The following REPS1 variants were observed in gnomAD, a reference collection of about 807,000 sequenced individuals.
REPS1 encodes RALBP1 associated Eps domain containing 1, also known as ralBP1-associated Eps domain-containing protein 1.
Under a neutral mutation model 100.9 loss-of-function variants are expected in REPS1, and 39 were observed. The observed-to-expected ratio is 0.39, with a 90% CI of 0.30 to 0.50. REPS1 has a LOEUF of 0.50. Ranked by LOEUF, REPS1 falls within the 20% of genes least tolerant of loss-of-function variation. The pLI, the probability that REPS1 is intolerant of heterozygous loss-of-function variation, is 0.86. For missense variants in REPS1, 821 were observed against 968.5 expected, an observed-to-expected ratio of 0.85 and a Z score of 2.02; for synonymous variants, 324 against 340.3, an observed-to-expected ratio of 0.95 and a Z score of 0.53.
At chr6:138,976,249 A>G (rs1784597928) in intron 1 of REPS1, among the ~76,000 whole-genome samples, 1 of 152,212 alleles carries the variant, frequency 6.6e-6, no homozygotes, top group Non-Finnish European at 1.5e-5. Flanking sequence ...TTCTATTTCC[A>G]CGTACAACAT....
chr6:138,912,097 T>G (rs532014850), intron 16 of REPS1, among the ~76,000 whole-genome samples: 1 of 152,138 alleles, frequency 6.6e-6, no homozygotes, highest in African/African-American at 2.4e-5. Context: ...AGGGAGCTAG[T>G]AGGAAATTTT....
intron 1 of REPS1, among the ~76,000 whole-genome samples, chr6:138,950,008 T>C (rs758256855): frequency 9.2e-5 from 14 of 152,200 alleles, no homozygotes; most frequent in Non-Finnish European, 1.6e-4. Flanking sequence ...TTATACAAGC[T>C]TGTCATTTCC....
chr6:138,934,304 CT>C, intron 8 of REPS1: 1 of 470,900 alleles, frequency 2.1e-6, no homozygotes. Flanking sequence ...TGCTCTGCCC[CT>C]GACATCATCA....
At chr6:138,936,275 C>A (rs1781831519) in intron 8 of REPS1, among the ~76,000 whole-genome samples, 1 of 151,982 alleles carries the variant, frequency 6.6e-6, no homozygotes, top group Non-Finnish European at 1.5e-5. Flanking sequence ...TTACTGTAAC[C>A]TCGAACTCCT....
intron 2 of REPS1, among the ~76,000 whole-genome samples, chr6:138,946,151 A>T (rs1242554653): frequency 6.6e-6 from 1 of 152,224 alleles, no homozygotes; most frequent in Non-Finnish European, 1.5e-5. Flanking sequence ...CCGGGTCTTT[A>T]AAGTAAGATT....
chr6:138,944,591 C>A lies in REPS1; in HGVS notation c.660G>T (p.Gly220=), dbSNP rs199928932. 27 of 1,613,866 alleles carry A rather than the reference C, an allele frequency of 1.7e-5. No homozygotes were observed. Among genetic ancestry groups the A allele is most frequent in the Admixed American group, 6.7e-5 (4 of 59,974 alleles). Reference sequence around the variant, plus strand: ...TTTCTTGAGGTGGAGGTGGGGAATGCCCTGACCACACTGCATCACCAGCAG... The same window carrying A: ...TTTCTTGAGGTGGAGGTGGGGAATGACCTGACCACACTGCATCACCAGCAG... ...GSSAGDAVWS[G]HSPPPPQENW... Residue 220 remains glycine (G), a synonymous_variant, in exon 5 of 20, where the codon GGG becomes GGT. Transcript: ENST00000450536.
chr6:138,916,345 C>T, intron 13 of REPS1: 1 of 210,762 alleles, frequency 4.7e-6, no homozygotes, highest in South Asian at 6.8e-5. Context: ...TTCAGCCTCC[C>T]AAGTAACTGG....
chr6:138,929,815 C>G (rs1477819977), intron 9 of REPS1, 162 bp downstream of exon 9: 1 of 638,932 alleles, frequency 1.6e-6, no homozygotes, highest in Non-Finnish European at 2.5e-6. Context: ...CTTTGAAAAC[C>G]TCGAAAAAGT....
At chr6:138,929,799 T>C (rs1267744609) in intron 9 of REPS1, 178 bp downstream of exon 9, 3 of 550,146 alleles carry the variant, frequency 5.5e-6, no homozygotes, top group Non-Finnish European at 9.3e-6. Flanking sequence ...AATGACAGAA[T>C]ATATACTTTG....
At chr6:138,962,484 G>A (rs1443064757) in intron 1 of REPS1, among the ~76,000 whole-genome samples, 3 of 152,024 alleles carry the variant, frequency 2.0e-5, no homozygotes, top group African/African-American at 7.2e-5. Flanking sequence ...TAAGACAACT[G>A]AGTAGTAACC....
chr6:138,912,247 G>A (rs904186217), intron 16 of REPS1, among the ~76,000 whole-genome samples: 1 of 152,168 alleles, frequency 6.6e-6, no homozygotes, highest in African/African-American at 2.4e-5. Context: ...CTAGAACACT[G>A]TGAATATTAA....
rs1779706140 is a variant in REPS1, at chr6:138,907,182, A to T, written c.2322+313T>A. On this transcript the variant is annotated intron_variant, in intron 19 of 19. Coordinates refer to ENST00000450536, the MANE Select transcript of REPS1 (RefSeq NM_001286611.2). ...CTGAGTTGTCTTTGATAAAAGGACAAACTAGGACCTGGGTGCAGTGGCTCA... is the reference window on the plus strand; with the variant it reads ...CTGAGTTGTCTTTGATAAAAGGACATACTAGGACCTGGGTGCAGTGGCTCA... Among the ~76,000 whole-genome samples, 5 of 152,134 alleles carry T rather than the reference A, an allele frequency of 3.3e-5. 1 individual carries two copies. The highest frequency in any genetic ancestry group is 3.3e-4 in the Admixed American group (5 of 15,276).
intron 1 of REPS1, among the ~76,000 whole-genome samples, chr6:138,977,634 T>C (rs1442781743): frequency 1.3e-5 from 2 of 152,250 alleles, no homozygotes; most frequent in Admixed American, 1.3e-4. Context: ...CCACATTTTA[T>C]GTATTCAAAC....
intron 1 of REPS1, among the ~76,000 whole-genome samples, chr6:138,975,017 G>A (rs1472418002): frequency 6.6e-6 from 1 of 151,722 alleles, no homozygotes; most frequent in African/African-American, 2.4e-5. Context: ...AGTTAGGCTT[G>A]CATTCCTCAT....
chr6:138,984,501 AT>A (rs1270792500), intron 1 of REPS1, among the ~76,000 whole-genome samples: 12 of 152,254 alleles, frequency 7.9e-5, no homozygotes, highest in African/African-American at 2.9e-4. Flanking sequence ...GCACTGCAGG[AT>A]GTTTAGCAAC....
At chr6:138,930,158 T>A in intron 8 of REPS1, 60 bp from the exon 9 acceptor site, 2 of 1,415,530 alleles carry the variant, frequency 1.4e-6, no homozygotes, top group Admixed American at 2.0e-5. Context: ...ATTTTAGGCA[T>A]ATTTACTTAT....
intron 1 of REPS1, among the ~76,000 whole-genome samples, chr6:138,967,043 C>T (rs1477218767): frequency 2.6e-5 from 4 of 152,178 alleles, no homozygotes; most frequent in Non-Finnish European, 4.4e-5. Flanking sequence ...GCCCTGCCTT[C>T]GTGAATAGAT....
intron 1 of REPS1, among the ~76,000 whole-genome samples, chr6:138,975,120 C>T (rs1784527153): frequency 6.6e-6 from 1 of 152,108 alleles, no homozygotes. Context: ...CAAATGCCCT[C>T]CTAACTCTGC....
At chr6:138,917,714 G>A in intron 12 of REPS1, 87 bp from the exon 13 acceptor site, 1 of 1,060,764 alleles carries the variant, frequency 9.4e-7, no homozygotes, top group Non-Finnish European at 1.4e-6. Flanking sequence ...GTGATATGCT[G>A]TTTCAAGCCA....
Sources: gnomAD v4.1 joint callset for allele counts (sites outside exome capture counted in the v4.1 genomes callset) on GRCh38, gnomAD v4.1.1 for gene constraint, MANE v1.5 for transcripts, NCBI Gene and HGNC (gene_info 2026-07-23, HGNC 2026-07-21) for gene names.